The following MYCT1 variants were observed in gnomAD, a reference collection of about 807,000 sequenced individuals.
MYCT1 encodes the protein MYC target 1.
A neutral mutation model predicts 15.0 loss-of-function variants in MYCT1; 12 were observed. That is an observed-to-expected ratio of 0.80 (90% CI 0.51 to 1.29). MYCT1 has a LOEUF of 1.29. Ranked by LOEUF, MYCT1 falls within the 50% of genes most tolerant of loss-of-function variation. MYCT1 has a pLI of 0.00. For synonymous variants in MYCT1, 104 were observed against 102.7 expected (o/e 1.01, Z -0.07); for missense variants, 287 against 279.1 (o/e 1.03, Z -0.20).
intron 1 of MYCT1, among the ~76,000 whole-genome samples, chr6:152,702,742 C>T (rs1460090409): frequency 2.0e-5 from 3 of 152,134 alleles, no homozygotes; most frequent in Non-Finnish European, 2.9e-5. Flanking sequence ...GTCTCAAATT[C>T]GTTTTTTCAA....
At chr6:152,721,440 A>G (rs2099724684) in intron 1 of MYCT1, among the ~76,000 whole-genome samples, 1 of 152,240 alleles carries the variant, frequency 6.6e-6, no homozygotes, top group Non-Finnish European at 1.5e-5. Context: ...ACTAAATGCC[A>G]TAAATTAATG....
chr6:152,718,537 C>A (rs927723191), intron 1 of MYCT1, among the ~76,000 whole-genome samples: 15 of 152,120 alleles, frequency 9.9e-5, no homozygotes, highest in African/African-American at 3.6e-4. Flanking sequence ...TGAGCCACTG[C>A]ACCTGGCCTC....
At chr6:152,716,515 CCT>C (rs2099723716) in intron 1 of MYCT1, among the ~76,000 whole-genome samples, 1 of 152,088 alleles carries the variant, frequency 6.6e-6, no homozygotes, top group Admixed American at 6.6e-5. Context: ...TAGATGGTGA[CCT>C]CTACTAAATT....
chr6:152,706,577 T>G (rs1374761538), intron 1 of MYCT1, among the ~76,000 whole-genome samples: 2 of 152,166 alleles, frequency 1.3e-5, no homozygotes, highest in African/African-American at 4.8e-5. Context: ...TTTTGTGTAA[T>G]AAAAGTTTGT....
At chr6:152,743,585 T>C in the MYCT1 span, among the ~76,000 whole-genome samples, 1 of 152,130 alleles carries the variant, frequency 6.6e-6, no homozygotes, top group Non-Finnish European at 1.5e-5. Context: ...ATCCGGAGGG[T>C]CACAGCAGCA....
the MYCT1 span, among the ~76,000 whole-genome samples, chr6:152,746,358 T>C: frequency 6.6e-6 from 1 of 152,114 alleles, no homozygotes; most frequent in Non-Finnish European, 1.5e-5. Context: ...ACCTGGGAGG[T>C]AGCATAGACA....
At chr6:152,701,280 A>G (rs1334374691) in intron 1 of MYCT1, among the ~76,000 whole-genome samples, 1 of 152,170 alleles carries the variant, frequency 6.6e-6, no homozygotes, top group African/African-American at 2.4e-5. Flanking sequence ...AGTGACACAA[A>G]TAAGGCATTT....
intron 1 of MYCT1, among the ~76,000 whole-genome samples, chr6:152,719,824 A>C (rs576939895): frequency 2.6e-5 from 4 of 152,306 alleles, no homozygotes; most frequent in African/African-American, 7.2e-5. Flanking sequence ...AACCTTGGCA[A>C]TCATAAAATC....
downstream of MYCT1, among the ~76,000 whole-genome samples, chr6:152,728,024 CGTG>C (rs1565397798): frequency 6.6e-6 from 1 of 151,866 alleles, no homozygotes; most frequent in Non-Finnish European, 1.5e-5. Flanking sequence ...ATTAGCCAGG[CGTG>C]GTGGTGTGGG....
At chr6:152,726,644 T>C (rs2099725722), downstream of MYCT1, among the ~76,000 whole-genome samples, 1 of 152,042 alleles carries the variant, frequency 6.6e-6, no homozygotes, top group Non-Finnish European at 1.5e-5. Flanking sequence ...TCCTTTTTTA[T>C]TTTTTTCGTT....
chr6:152,741,884 C>G, the MYCT1 span, among the ~76,000 whole-genome samples: 30,362 of 152,034 alleles, frequency 0.2, 3,479 homozygotes, highest in African/African-American at 0.32. Flanking sequence ...GGTAGGATTT[C>G]AGTAATAGCC....
At position 152,722,125 on chromosome 6, in the gene MYCT1, C is replaced by G. The variant is rs1034181147; in HGVS notation, c.580C>G (p.Pro194Ala). 1.2e-6 allele frequency: 2 copies of G among 1,614,072 alleles called. No individual in the cohort carries two copies. Among genetic ancestry groups the G allele is most frequent in the Non-Finnish European group, 1.7e-6 (2 of 1,180,038 alleles). Residue 194 changes from proline to alanine, a missense_variant, in exon 2 of 2, where the codon CCC (proline) becomes GCC (alanine). Coordinates refer to ENST00000367245, the MANE Select transcript of MYCT1 (RefSeq NM_025107.3). ...GACTCTCCCTTCTTCCAATATCTCT[C>G]CCACCATCAGCACTTCCCACAGTCT... ...LVTLPSSNISPTISTSHSLSR... is the reference protein window; with the variant it reads ...LVTLPSSNISATISTSHSLSR...
chr6:152,714,803 T>C (rs1191564537), intron 1 of MYCT1, among the ~76,000 whole-genome samples: 1 of 151,414 alleles, frequency 6.6e-6, no homozygotes, highest in African/African-American at 2.4e-5. Context: ...CATATATATA[T>C]AACATTATTA....
chr6:152,717,852 C>T (rs1002458328), intron 1 of MYCT1, among the ~76,000 whole-genome samples: 1 of 152,020 alleles, frequency 6.6e-6, no homozygotes, highest in African/African-American at 2.4e-5. Context: ...AAATCCATAT[C>T]AAAAGCAATT....
intron 1 of MYCT1, among the ~76,000 whole-genome samples, chr6:152,699,985 T>C (rs901571494): frequency 6.6e-6 from 1 of 151,798 alleles, no homozygotes; most frequent in Non-Finnish European, 1.5e-5. Context: ...GAAAGGGGAG[T>C]GTTACATTGA....
intron 1 of MYCT1, among the ~76,000 whole-genome samples, chr6:152,703,889 A>C (rs995428040): frequency 6.6e-6 from 1 of 151,976 alleles, no homozygotes; most frequent in Admixed American, 6.5e-5. Flanking sequence ...GATTGTTTTC[A>C]TATTGATATC....
At chr6:152,708,142 T>G (rs2099722624) in intron 1 of MYCT1, among the ~76,000 whole-genome samples, 1 of 151,954 alleles carries the variant, frequency 6.6e-6, no homozygotes, top group African/African-American at 2.4e-5. Context: ...CTCCACTTTT[T>G]AGACCTTTAA....
At chr6:152,718,551 C>A (rs2099724147) in intron 1 of MYCT1, among the ~76,000 whole-genome samples, 4 of 152,068 alleles carry the variant, frequency 2.6e-5, no homozygotes, top group Admixed American at 2.0e-4. Flanking sequence ...TGGCCTCAAT[C>A]ACAATAATAG....
intron 1 of MYCT1, among the ~76,000 whole-genome samples, chr6:152,704,332 C>T (rs1160983869): frequency 6.6e-6 from 1 of 152,094 alleles, no homozygotes; most frequent in African/African-American, 2.4e-5. Context: ...CCTTTGGCAC[C>T]TTTGTTGAAA....
Sources: gnomAD v4.1 joint callset for allele counts (sites outside exome capture counted in the v4.1 genomes callset) on GRCh38, gnomAD v4.1.1 for gene constraint, MANE v1.5 for transcripts, NCBI Gene and HGNC (gene_info 2026-07-23, HGNC 2026-07-21) for gene names.